Variants in PHACTR1 observed in about 807,000 individuals in gnomAD.
The protein encoded by PHACTR1 is phosphatase and actin regulator 1.
In PHACTR1, 16 loss-of-function variants were observed where a neutral mutation model predicts 69.2. The observed-to-expected ratio is 0.23, with a 90% CI of 0.16 to 0.35. The LOEUF is 0.35. Among genes scored for constraint, PHACTR1 ranks in the 10% least tolerant of loss-of-function variants. PHACTR1 has a pLI of 1.00. For synonymous variants in PHACTR1, 312 were observed against 284.5 expected (o/e 1.10, Z -0.97); for missense variants, 510 against 734.7 (o/e 0.69, Z 3.54).
At position 12,822,721 on chromosome 6, in the gene PHACTR1, C is replaced by A. The variant is rs1393727153; in HGVS notation, c.250+72931C>A. 7.2e-5 allele frequency among the ~76,000 whole-genome samples: 11 copies of A among 152,222 alleles called. No individual in the cohort carries two copies. In the East Asian group the frequency reaches 1.7e-3, roughly 24 times the overall value. On this transcript the variant is annotated intron_variant, in intron 4 of 14. Coordinates refer to ENST00000332995, the MANE Select transcript of PHACTR1 (RefSeq NM_030948.6). Reference sequence around the variant, plus strand: ...ACAGAACCAGACCTTCTTTCTTTCCCAGAATAGACTTCTAGCCAGAAGCAG... The same window carrying A: ...ACAGAACCAGACCTTCTTTCTTTCCAAGAATAGACTTCTAGCCAGAAGCAG...
intron 5 of PHACTR1, among the ~76,000 whole-genome samples, chr6:13,055,079 A>G (rs1426974441): frequency 1.3e-5 from 2 of 152,236 alleles, no homozygotes; most frequent in African/African-American, 2.4e-5. Flanking sequence ...AGAGAATAAC[A>G]TAGAAAATCT....
intron 4 of PHACTR1, among the ~76,000 whole-genome samples, chr6:13,019,517 A>G (rs1340532452): frequency 6.6e-6 from 1 of 152,214 alleles, no homozygotes; most frequent in East Asian, 1.9e-4. Flanking sequence ...CCAATAATAC[A>G]CTTTCAATCA....
chr6:13,034,218 C>T (rs1226643638), intron 4 of PHACTR1, among the ~76,000 whole-genome samples: 2 of 151,890 alleles, frequency 1.3e-5, no homozygotes, highest in African/African-American at 4.8e-5. Flanking sequence ...GGAGTTTCAC[C>T]GTGTTAGCCA....
intron 4 of PHACTR1, among the ~76,000 whole-genome samples, chr6:12,920,271 G>A (rs1389607802): frequency 1.3e-5 from 2 of 152,166 alleles, no homozygotes; most frequent in Admixed American, 1.3e-4. Context: ...GTACAGTGAA[G>A]CATAAAGTGT....
intron 3 of PHACTR1, among the ~76,000 whole-genome samples, chr6:12,735,064 C>T (rs1296961408): frequency 6.6e-6 from 1 of 152,146 alleles, no homozygotes; most frequent in Non-Finnish European, 1.5e-5. Flanking sequence ...CTTAGCTGGG[C>T]TGTTGGGGTT....
At chr6:13,109,997 T>C (rs1816785067) in intron 5 of PHACTR1, among the ~76,000 whole-genome samples, 1 of 152,096 alleles carries the variant, frequency 6.6e-6, no homozygotes, top group Admixed American at 6.6e-5. Flanking sequence ...AGTTCTATAT[T>C]TCTTTGTTGT....
intron 4 of PHACTR1, among the ~76,000 whole-genome samples, chr6:13,024,469 C>T (rs1801412160): frequency 6.6e-6 from 1 of 152,182 alleles, no homozygotes; most frequent in Non-Finnish European, 1.5e-5. Flanking sequence ...AGGGACATTG[C>T]TGATCTGCTA....
intron 4 of PHACTR1, among the ~76,000 whole-genome samples, chr6:12,860,493 AT>A (rs1054672429): frequency 1.5e-4 from 23 of 152,132 alleles, no homozygotes; most frequent in Non-Finnish European, 1.3e-4. Context: ...ATGATTTATA[AT>A]CATTTGGGTA....
intron 9 of PHACTR1, among the ~76,000 whole-genome samples, chr6:13,228,560 AAACCT>A (rs1770210889): frequency 6.6e-6 from 1 of 152,236 alleles, no homozygotes; most frequent in Non-Finnish European, 1.5e-5. Flanking sequence ...GCAAAGTTCA[AAACCT>A]ATCACTCTGG....
At chr6:12,808,852 T>A (rs977961355) in intron 4 of PHACTR1, among the ~76,000 whole-genome samples, 5 of 147,324 alleles carry the variant, frequency 3.4e-5, no homozygotes, top group African/African-American at 1.2e-4. Context: ...CTCCTCCTCC[T>A]TCTTCTTCTT....
At chr6:12,869,744 A>G (rs1561963291) in intron 4 of PHACTR1, among the ~76,000 whole-genome samples, 1 of 152,150 alleles carries the variant, frequency 6.6e-6, no homozygotes, top group Admixed American at 6.6e-5. Context: ...GAATTTCTCT[A>G]TCTTCTCTGT....
intron 4 of PHACTR1, among the ~76,000 whole-genome samples, chr6:12,823,135 T>C (rs1219279069): frequency 1.3e-5 from 2 of 152,206 alleles, no homozygotes; most frequent in Non-Finnish European, 2.9e-5. Context: ...CTCTGTCACC[T>C]ACCACCCGTG....
At chr6:12,763,997 G>T (rs536238910) in intron 4 of PHACTR1, among the ~76,000 whole-genome samples, 1 of 152,226 alleles carries the variant, frequency 6.6e-6, no homozygotes, top group South Asian at 2.1e-4. Context: ...TTATACCAAA[G>T]CTCAAAGCAG....
intron 4 of PHACTR1, among the ~76,000 whole-genome samples, chr6:12,881,852 G>A (rs780352040): frequency 4.6e-5 from 7 of 152,148 alleles, no homozygotes; most frequent in Admixed American, 1.3e-4. Context: ...GAGAAAGAAG[G>A]GCAAAAGGTC....
chr6:13,281,382 T>TATC, intron 12 of PHACTR1: 1 of 325,004 alleles, frequency 3.1e-6, no homozygotes, highest in Non-Finnish European at 6.1e-6. Flanking sequence ...GGCGAAACCC[T>TATC]ATCTCTATTA....
At chr6:12,774,209 G>A (rs889390339) in intron 4 of PHACTR1, among the ~76,000 whole-genome samples, 3 of 152,108 alleles carry the variant, frequency 2.0e-5, no homozygotes, top group African/African-American at 4.8e-5. Context: ...CTATCTTTGT[G>A]TATAATATTC....
At position 13,178,467 on chromosome 6, in the gene PHACTR1, A is replaced by C. The variant is rs76751050; in HGVS notation, c.497-4052A>C. Among the ~76,000 whole-genome samples the C allele has an allele frequency of 1.4e-3, 220 of 152,370 alleles. 7 individuals carry two copies. In the East Asian group the frequency reaches 0.04, roughly 28 times the overall value. The stretch of plus-strand genomic sequence containing the variant: ...TACCCTGACCAGCAAAAGGAGCACT[A>C]ACATCACCCAAGGACTTATTAGATG... On this transcript the variant is annotated intron_variant, in intron 6 of 14. Coordinates refer to ENST00000332995, the MANE Select transcript of PHACTR1 (RefSeq NM_030948.6).
chr6:13,286,159 A>G lies in PHACTR1; in HGVS notation c.1664A>G (p.Lys555Arg), dbSNP rs1440601310. 2.5e-6 allele frequency: 4 copies of G among 1,606,158 alleles called. No individual in the cohort carries two copies. Among genetic ancestry groups the G allele is most frequent in the Non-Finnish European group, 3.4e-6 (4 of 1,176,764 alleles). Residue 555 changes from lysine (K) to arginine (R), a missense_variant, in exon 14 of 15, where the codon AAG (lysine) becomes AGG (arginine). By Grantham distance (26) the Lys-to-Arg change is conservative (BLOSUM62 2). Around this residue, in one of 2 missense-constraint regions of PHACTR1, gnomAD observed 91 missense variants for 203.8 expected, o/e 0.45. Coordinates refer to ENST00000332995, the MANE Select transcript of PHACTR1 (RefSeq NM_030948.6). Reference protein sequence around the residue: ...LTAADKAAIRKELNEFKSTEM... With the variant: ...LTAADKAAIRRELNEFKSTEM... ...TGTTGATTCCAGGCTGCCATCCGAA[A>G]GGAGCTCAATGAATTCAAAAGCACT...
rs60972913 is a variant in PHACTR1, at chr6:13,247,326, CGTGT to C, written c.1391+17169_1391+17172del. ...CACATTGTAACTTATCAAGTTCCCT[CGTGT>C]GTGTGTGTGTGTGTGTGTGTGTGTG... On this transcript the variant is annotated intron_variant, in intron 10 of 14. Transcript: ENST00000332995. Among the ~76,000 whole-genome samples the C allele has an allele frequency of 3.8e-3, 525 of 139,050 alleles. 7 individuals are homozygous for C. Among genetic ancestry groups the C allele is most frequent in the East Asian group, 0.037 (178 of 4,794 alleles). The allele number at this position is 139,050 out of a possible 152,430, so 91.2% of individuals were successfully genotyped here.
Sources: gnomAD v4.1 joint callset for allele counts (sites outside exome capture counted in the v4.1 genomes callset) on GRCh38, gnomAD v4.1.1 for gene constraint, gnomAD v4.1.1 regional missense constraint, MANE v1.5 for transcripts, NCBI Gene and HGNC (gene_info 2026-07-23, HGNC 2026-07-21) for gene names.